Variants in FXR2 observed in about 807,000 individuals in gnomAD.
FXR2 encodes the protein RNA-binding protein FXR2.
Under a neutral mutation model 87.3 loss-of-function variants are expected in FXR2, and 9 were observed. The observed-to-expected ratio is 0.10, with a 90% CI of 0.06 to 0.18. FXR2 has a LOEUF of 0.18. Ranked by LOEUF, FXR2 falls within the 10% of genes least tolerant of loss-of-function variation. FXR2 has a pLI of 1.00. For missense variants in FXR2, 661 were observed against 893.6 expected, an observed-to-expected ratio of 0.74 and a Z score of 3.32; for synonymous variants, 331 against 328.3, an observed-to-expected ratio of 1.01 and a Z score of -0.09.
At chr17:7,600,623 T>C (rs1004597110) in intron 7 of FXR2, among the ~76,000 whole-genome samples, 1 of 152,084 alleles carries the variant, frequency 6.6e-6, no homozygotes, top group Non-Finnish European at 1.5e-5. Flanking sequence ...CAGCGGCTCA[T>C]GTCTGTAATC....
intron 7 of FXR2, chr17:7,596,219 G>A (rs1296361810): frequency 4.0e-5 from 17 of 420,572 alleles, no homozygotes; most frequent in East Asian, 2.2e-4. Flanking sequence ...GTGCAGTGGC[G>A]CGATCTCAGC....
intron 7 of FXR2, 21 bp from the exon 8 acceptor site, chr17:7,596,015 AGG>A (rs2071704183): frequency 6.2e-7 from 1 of 1,601,564 alleles, no homozygotes; most frequent in Non-Finnish European, 8.6e-7. Context: ...AAGTCACTGT[AGG>A]AATCATGGTG....
rs1056478916 is a variant in FXR2 at position 7,591,712 on chromosome 17, G to A, written c.*118C>T. On this transcript the variant is annotated 3_prime_UTR_variant, in exon 17 of 17. Transcript: ENST00000250113. The surrounding 1 kb of genome is among the most constrained non-coding windows in gnomAD (Gnocchi z 4.0). ...GAGGTTGGGGGGTACCCAAGCTGCT[G>A]TGCCACCCCCCTCCCCCCTAGATAA... The A allele has an allele frequency of 8.3e-6, 6 of 719,702 alleles. No individual in the cohort carries two copies. Among genetic ancestry groups the A allele is most frequent in the South Asian group, 1.5e-5 (1 of 66,850 alleles). 44.6% of individuals were successfully genotyped at this position (719,702 alleles called of 1,614,324 possible).
chr17:7,598,908 G>A (rs1249866499), intron 7 of FXR2, among the ~76,000 whole-genome samples: 1 of 152,196 alleles, frequency 6.6e-6, no homozygotes, highest in Non-Finnish European at 1.5e-5. Flanking sequence ...TACTTTGGGA[G>A]GCCAAGGCAG....
chr17:7,596,146 G>A (rs943891755), intron 7 of FXR2, 152 bp from the exon 8 acceptor site: 25 of 632,874 alleles, frequency 4.0e-5, no homozygotes, highest in Non-Finnish European at 6.7e-5. Flanking sequence ...GACCTGTGTG[G>A]AAAGGTCAGG....
At chr17:7,614,319 C>A in intron 1 of FXR2, 133 bp downstream of exon 1, 2 of 711,568 alleles carry the variant, frequency 2.8e-6, no homozygotes, top group Non-Finnish European at 4.7e-6. Flanking sequence ...GGGAAGGCTG[C>A]GGGTTGGAGC....
intron 7 of FXR2, 166 bp from the exon 8 acceptor site, chr17:7,596,160 TTTTTG>T (rs1464201758): frequency 1.7e-6 from 1 of 586,280 alleles, no homozygotes; most frequent in Non-Finnish European, 3.0e-6. Context: ...GGTCAGGAAC[TTTTTG>T]TTTTTTCTTT....
chr17:7,606,268 T>C (rs2071802108), intron 1 of FXR2, 119 bp from the exon 2 acceptor site: 1 of 662,078 alleles, frequency 1.5e-6, no homozygotes, highest in Non-Finnish European at 2.6e-6. Flanking sequence ...GGGACACAAG[T>C]GGTGTAATGA....
At chr17:7,604,160 T>G in intron 3 of FXR2, 80 bp from the exon 4 acceptor site, 1 of 1,060,608 alleles carries the variant, frequency 9.4e-7, no homozygotes, top group Non-Finnish European at 1.4e-6. Flanking sequence ...CCGGGCATGG[T>G]GGGGCTCACA....
chr17:7,610,377 G>A (rs557931332), intron 1 of FXR2, among the ~76,000 whole-genome samples: 23 of 152,104 alleles, frequency 1.5e-4, no homozygotes, highest in African/African-American at 5.3e-4. Context: ...TATTCAAATC[G>A]GCTATGCCTA....
Position 7,596,062 on chromosome 17 carries a change from G to A in FXR2, c.661-68C>T, listed in dbSNP as rs2071704875. On this transcript the variant is annotated intron_variant, in intron 7 of 16. Transcript: ENST00000250113. ...CACAGTCCCAGGCACACGACCCTTT[G>A]CATAACTTAAATAAGGAAAACTGTG... The A allele has an allele frequency of 8.0e-6, 10 of 1,252,486 alleles. No individual in the cohort carries two copies. In the Admixed American group the frequency reaches 1.9e-4, roughly 24 times the overall value. 77.6% of individuals were successfully genotyped at this position (1,252,486 alleles called of 1,614,324 possible).
chr17:7,606,172 GC>G, intron 1 of FXR2, 23 bp from the exon 2 acceptor site: 1 of 1,488,304 alleles, frequency 6.7e-7, no homozygotes, highest in Non-Finnish European at 9.1e-7. Context: ...TTAGAAAAAA[GC>G]AAAAAAAATA....
chr17:7,600,124 C>A (rs1360533316), intron 7 of FXR2, among the ~76,000 whole-genome samples: 2 of 151,822 alleles, frequency 1.3e-5, no homozygotes, highest in African/African-American at 4.8e-5. Context: ...GTCTTGAACT[C>A]CCGACCTCAG....
At chr17:7,605,924 C>A in intron 2 of FXR2, 173 bp downstream of exon 2, 1 of 643,850 alleles carries the variant, frequency 1.6e-6, no homozygotes, top group Non-Finnish European at 2.7e-6. Flanking sequence ...GGGTCAAATG[C>A]CCCCACCCTC....
chr17:7,601,427 T>C lies in FXR2; in HGVS notation c.642A>G (p.Glu214=). 2 of 1,608,844 alleles carry C rather than the reference T, an allele frequency of 1.2e-6. No homozygotes were observed. Among genetic ancestry groups the C allele is most frequent in the Non-Finnish European group, 1.7e-6 (2 of 1,175,368 alleles). Residue 214 remains glutamate, a synonymous_variant, in exon 7 of 17, where the codon GAA becomes GAG. Coordinates refer to ENST00000250113, the MANE Select transcript of FXR2 (RefSeq NM_004860.4). ...TKLLLMSRNE[E]ATKHLETSKQ... ...AAGTTACCTCTAGGTGCTTGGTAGCTTCTTCATTGCGGGACATAAGTAGCA... is the reference window on the plus strand; with the variant it reads ...AAGTTACCTCTAGGTGCTTGGTAGCCTCTTCATTGCGGGACATAAGTAGCA...
At position 7,593,265 on chromosome 17, in the gene FXR2, T is replaced by G; in HGVS notation, c.1331-84A>C. ...TCCCCCAAACTGGAAGAATTCTCCT[T>G]CTCACTCACAAGCCTCCCAGCCAAT... On this transcript the variant is annotated intron_variant, in intron 12 of 16. Coordinates refer to ENST00000250113, the MANE Select transcript of FXR2 (RefSeq NM_004860.4). This position sits in a 1 kb window ranked among gnomAD's most constrained non-coding sequence, Gnocchi z 6.1. 1 of 1,257,496 alleles carries G rather than the reference T, an allele frequency of 8.0e-7. No homozygotes were observed. The highest frequency in any genetic ancestry group is 1.1e-6 in the Non-Finnish European group (1 of 918,336). 77.9% of individuals were successfully genotyped at this position (1,257,496 alleles called of 1,614,324 possible). A position where few individuals can be genotyped will look rare whatever the true frequency, so the allele number is the denominator to read the frequency against.
chr17:7,607,094 A>G (rs2071808883), intron 1 of FXR2, among the ~76,000 whole-genome samples: 1 of 152,148 alleles, frequency 6.6e-6, no homozygotes, highest in East Asian at 1.9e-4. Context: ...CGAGGCAGGC[A>G]GATCACCTGA....
chr17:7,599,209 G>A (rs1224270390), intron 7 of FXR2, among the ~76,000 whole-genome samples: 2 of 151,772 alleles, frequency 1.3e-5, no homozygotes, highest in Non-Finnish European at 2.9e-5. Context: ...TGAGGTGAGA[G>A]GATCACTTGA....
At chr17:7,601,158 G>A (rs2071752362) in intron 7 of FXR2, among the ~76,000 whole-genome samples, 1 of 147,364 alleles carries the variant, frequency 6.8e-6, no homozygotes, top group Non-Finnish European at 1.5e-5. Flanking sequence ...CAGCCTAGGC[G>A]ACACAGCGAG....
Sources: allele counts gnomAD v4.1 joint callset (sites outside exome capture counted in the v4.1 genomes callset), GRCh38; gene constraint gnomAD v4.1.1; non-coding constraint Gnocchi (gnomAD v3.1); transcripts MANE v1.5; gene names NCBI Gene and HGNC (gene_info 2026-07-23, HGNC 2026-07-21).